Variants in ITGB1BP1 observed in about 807,000 individuals in gnomAD.
ITGB1BP1 encodes integrin beta-1-binding protein 1.
In ITGB1BP1, 20 loss-of-function variants were observed where a neutral mutation model predicts 28.0. That is an observed-to-expected ratio of 0.71 (90% CI 0.50 to 1.04). The LOEUF (loss-of-function observed/expected upper bound fraction) is 1.04. Among genes scored for constraint, ITGB1BP1 ranks in the 50% least tolerant of loss-of-function variants. The pLI is 0.00. For missense variants in ITGB1BP1, 228 were observed against 242.5 expected, an observed-to-expected ratio of 0.94 and a Z score of 0.40; for synonymous variants, 103 against 89.5, an observed-to-expected ratio of 1.15 and a Z score of -0.85.
intron 2 of ITGB1BP1, 129 bp downstream of exon 2, chr2:9,418,497 A>G: frequency 1.4e-6 from 1 of 725,178 alleles, no homozygotes; most frequent in South Asian, 1.7e-5. Context: ...CAAAAAGTAA[A>G]TGTTAAAACA....
intron 3 of ITGB1BP1, 122 bp from the exon 4 acceptor site, chr2:9,412,527 A>G (rs948025480): frequency 2.7e-5 from 20 of 742,994 alleles, no homozygotes; most frequent in Middle Eastern, 2.5e-4. Flanking sequence ...TACAAATTTT[A>G]TAATACACAA....
intron 6 of ITGB1BP1, 133 bp downstream of exon 6, chr2:9,407,316 A>G: frequency 9.8e-7 from 1 of 1,018,378 alleles, no homozygotes; most frequent in Non-Finnish European, 1.4e-6. Flanking sequence ...CCTCCGGCCT[A>G]ATATTCATTC....
intron 3 of ITGB1BP1, 62 bp downstream of exon 3, chr2:9,414,116 G>A: frequency 7.2e-7 from 1 of 1,392,184 alleles, no homozygotes; most frequent in Non-Finnish European, 1.0e-6. Context: ...TGCTACCCCA[G>A]TAAAACCACG....
chr2:9,413,415 T>C (rs1216092192), intron 3 of ITGB1BP1, among the ~76,000 whole-genome samples: 2 of 152,068 alleles, frequency 1.3e-5, no homozygotes, highest in African/African-American at 4.8e-5. Flanking sequence ...CTGCAACCTC[T>C]GCCTCTGGTT....
At chr2:9,423,313 C>G in intron 1 of ITGB1BP1, 60 bp downstream of exon 1, 1 of 1,224,542 alleles carries the variant, frequency 8.2e-7, no homozygotes, top group Non-Finnish European at 1.0e-6. Flanking sequence ...CTCTCGGGAC[C>G]GTGTTCCCGT....
chr2:9,418,292 C>A (rs550708243), intron 2 of ITGB1BP1, among the ~76,000 whole-genome samples: 1 of 152,292 alleles, frequency 6.6e-6, no homozygotes, highest in Admixed American at 6.5e-5. Flanking sequence ...ATTATGCACA[C>A]CACAAACCCT....
chr2:9,423,554 C>T (rs1171458808), upstream of ITGB1BP1: 3 of 1,141,522 alleles, frequency 2.6e-6, no homozygotes, highest in East Asian at 3.1e-5. Context: ...TGACGTCCTA[C>T]CCCCGGTTCC....
intron 5 of ITGB1BP1, 147 bp from the exon 6 acceptor site, chr2:9,407,745 G>A: frequency 1.2e-6 from 1 of 849,868 alleles, no homozygotes; most frequent in Non-Finnish European, 1.8e-6. Flanking sequence ...CTCAGTCTCG[G>A]GCAATGCCTT....
In ITGB1BP1 at chr2:9,405,671, TA is replaced by T. The variant is rs1184424646; in HGVS notation, c.*1162del. ...TGACTGGAAAAAAATAAAATACTTT[TA>T]AATGGACATGGTTTTATTTTTAATG... is the stretch of plus-strand genomic sequence containing the variant. On this transcript the variant is annotated 3_prime_UTR_variant, in exon 7 of 7. Coordinates refer to ENST00000355346, the MANE Select transcript of ITGB1BP1 (RefSeq NM_004763.5). 1 of 152,680 alleles carries T rather than the reference TA, an allele frequency of 6.5e-6. No individual in the cohort carries two copies. The highest frequency in any genetic ancestry group is 1.5e-5 in the Non-Finnish European group (1 of 68,038). 9.5% of individuals were successfully genotyped at this position (152,680 alleles called of 1,614,324 possible).
chr2:9,407,500 T>C lies in ITGB1BP1; in HGVS notation c.480A>G (p.Thr160=), dbSNP rs773191905. ...AGKSLLALKT[T]DASNEEYSLW... is the part of the protein sequence containing the mutation. ...GGCTGTATTCCTCATTGCTTGCATC[T>C]GTGGTCTTCAGAGCCAGTAAGCTTT... The change falls in exon 6 of 7, where the codon ACA becomes ACG. Residue 160 remains threonine (T), a synonymous_variant. Transcript: ENST00000355346. 1.2e-6 allele frequency: 2 copies of C among 1,614,228 alleles called. No individual in the cohort carries two copies. Among genetic ancestry groups the C allele is most frequent in the East Asian group, 2.2e-5 (1 of 44,886 alleles).
At chr2:9,422,839 G>T in intron 1 of ITGB1BP1, 2 of 986,094 alleles carry the variant, frequency 2.0e-6, no homozygotes, top group East Asian at 1.1e-4. Context: ...TTCAAACGAG[G>T]ATGCCAAAGC....
At chr2:9,421,178 CA>C (rs1365667446) in intron 1 of ITGB1BP1, among the ~76,000 whole-genome samples, 1 of 152,032 alleles carries the variant, frequency 6.6e-6, no homozygotes, top group East Asian at 1.9e-4. Context: ...AATTTTAAAT[CA>C]AAACTTATTT....
At chr2:9,408,738 CA>C (rs1331945499) in intron 4 of ITGB1BP1, among the ~76,000 whole-genome samples, 1 of 152,188 alleles carries the variant, frequency 6.6e-6, no homozygotes, top group Non-Finnish European at 1.5e-5. Flanking sequence ...GTTGGCCTCC[CA>C]AAGTGCTGGC....
Position 9,403,634 on chromosome 2 carries a change from A to G in ITGB1BP1, c.*3200T>C. On this transcript the variant is annotated 3_prime_UTR_variant, in exon 7 of 7. Coordinates refer to ENST00000355346, the MANE Select transcript of ITGB1BP1 (RefSeq NM_004763.5). ...GCCTCTACGGAATTAGCTAAACCTA[A>G]AAATGTTTGCATTAATGAATAAATT... The G allele has an allele frequency of 3.5e-6, 1 of 288,626 alleles. No homozygotes were observed. Among genetic ancestry groups the G allele is most frequent in the Non-Finnish European group, 6.5e-6 (1 of 154,744 alleles). 17.9% of individuals were successfully genotyped at this position (288,626 alleles called of 1,614,324 possible).
chr2:9,411,409 GATTGATCAGC>G (rs1678360986), intron 4 of ITGB1BP1, among the ~76,000 whole-genome samples: 1 of 152,084 alleles, frequency 6.6e-6, no homozygotes, highest in Non-Finnish European at 1.5e-5. Flanking sequence ...ATTTAAATAG[GATTGATCAGC>G]CCCATAAAAA....
Position 9,412,185 on chromosome 2 carries a change from G to A in ITGB1BP1, c.288+84C>T, listed in dbSNP as rs1012496360. ...AAGCGGAGCGGCACCCAGTGGACCC[G>A]AGGAGTGAGCATTTTGCCCCAAAGC... On this transcript the variant is annotated intron_variant, in intron 4 of 6. Transcript: ENST00000355346. 1.4e-4 allele frequency: 176 copies of A among 1,228,176 alleles called. 2 individuals carry two copies. The highest frequency in any genetic ancestry group is 6.4e-5 in the South Asian group (5 of 78,470). The allele number at this position is 1,228,176 out of a possible 1,614,324, so 76.1% of individuals were successfully genotyped here. A position where few individuals can be genotyped will look rare whatever the true frequency, so the allele number is the denominator to read the frequency against.
chr2:9,418,691 G>T lies in ITGB1BP1; in HGVS notation c.7C>A (p.Arg3Ser), dbSNP rs763086778. The T allele has an allele frequency of 6.2e-7, 1 of 1,613,548 alleles. No homozygotes were observed. The highest frequency in any genetic ancestry group is 1.1e-5 in the South Asian group (1 of 91,072). Residue 3 changes from arginine (R) to serine (S), a missense_variant, in exon 2 of 7, where the codon CGC (arginine) becomes AGC (serine). Physicochemically the swap from Arg to Ser is moderately radical, Grantham distance 110. Coordinates refer to ENST00000355346, the MANE Select transcript of ITGB1BP1 (RefSeq NM_004763.5). ...CTACTGTGTCGTTTTTTGCCCTTGC[G>T]AAACATTTTTCACCACCATTGCTTG... is the stretch of plus-strand genomic sequence containing the variant. MF[R>S]KGKKRHSSSS... is the part of the protein sequence containing the mutation.
intron 3 of ITGB1BP1, 191 bp from the exon 4 acceptor site, chr2:9,412,596 T>C (rs1678584795): frequency 3.7e-6 from 2 of 542,690 alleles, no homozygotes; most frequent in East Asian, 3.1e-5. Context: ...CAGTGACTCA[T>C]GGTATACTAA....
chr2:9,419,839 C>T (rs566110372), intron 1 of ITGB1BP1, among the ~76,000 whole-genome samples: 1 of 152,288 alleles, frequency 6.6e-6, no homozygotes, highest in South Asian at 2.1e-4. Flanking sequence ...TAAGCTCTCC[C>T]TCAAGGGGCT....
Sources: allele counts gnomAD v4.1 joint callset (sites outside exome capture counted in the v4.1 genomes callset), GRCh38; gene constraint gnomAD v4.1.1; transcripts MANE v1.5; gene names NCBI Gene and HGNC (gene_info 2026-07-23, HGNC 2026-07-21).